The following RANBP2 variants were observed in gnomAD, a reference collection of about 807,000 sequenced individuals.
RANBP2 encodes the protein RAN binding protein 2.
Under a neutral mutation model 303.6 loss-of-function variants are expected in RANBP2, and 57 were observed. The observed-to-expected ratio is 0.19, with a 90% CI of 0.15 to 0.23. The LOEUF is 0.23. RANBP2 is among the 10% of genes least tolerant of loss of function. The pLI is 1.00. For missense variants in RANBP2, 3,138 were observed against 3,780.8 expected, an observed-to-expected ratio of 0.83 and a Z score of 4.46; for synonymous variants, 1,167 against 1,301.5, an observed-to-expected ratio of 0.90 and a Z score of 2.23.
the RANBP2 span, among the ~76,000 whole-genome samples, chr2:109,477,641 T>G: frequency 7.3e-6 from 1 of 137,416 alleles, no homozygotes; most frequent in African/African-American, 2.6e-5. Context: ...TGTGTGTGTG[T>G]GTTGGTGAGG....
the RANBP2 span, among the ~76,000 whole-genome samples, chr2:109,216,412 A>G: frequency 6.6e-6 from 1 of 152,256 alleles, no homozygotes; most frequent in Non-Finnish European, 1.5e-5. Flanking sequence ...GGTGAGATCC[A>G]CTTTGCAGAG....
chr2:108,901,880 T>C, the RANBP2 span, among the ~76,000 whole-genome samples: 1 of 151,768 alleles, frequency 6.6e-6, no homozygotes, highest in South Asian at 2.1e-4. Context: ...GAGGTGGGTA[T>C]ATTGCTTGAG....
At chr2:108,719,987 C>T (rs946473302) in intron 1 of RANBP2, 1 of 985,174 alleles carries the variant, frequency 1.0e-6, no homozygotes. Context: ...TCGCGCACCC[C>T]GTAGTACCCG....
At chr2:109,514,451 A>T in the RANBP2 span, among the ~76,000 whole-genome samples, 1 of 152,122 alleles carries the variant, frequency 6.6e-6, no homozygotes, top group Non-Finnish European at 1.5e-5. Flanking sequence ...ACCTCCATGG[A>T]TGAAAGGCAG....
the RANBP2 span, among the ~76,000 whole-genome samples, chr2:109,242,480 C>T: frequency 6.6e-6 from 1 of 152,158 alleles, no homozygotes; most frequent in South Asian, 2.1e-4. Flanking sequence ...GCTGAGCCGC[C>T]CCAGTGACAC....
At chr2:109,094,478 A>G in the RANBP2 span, among the ~76,000 whole-genome samples, 1 of 152,102 alleles carries the variant, frequency 6.6e-6, no homozygotes, top group Non-Finnish European at 1.5e-5. Context: ...CAAATGAGAA[A>G]TCTTACAACT....
intron 7 of RANBP2, among the ~76,000 whole-genome samples, chr2:108,742,937 C>T (rs1295140015): frequency 4.0e-5 from 6 of 151,846 alleles, no homozygotes; most frequent in Non-Finnish European, 5.9e-5. Context: ...TACAGGCACC[C>T]ACCACCACGC....
At chr2:108,964,367 G>A in the RANBP2 span, among the ~76,000 whole-genome samples, 6 of 152,098 alleles carry the variant, frequency 3.9e-5, no homozygotes, top group Admixed American at 1.3e-4. Context: ...ATGATGCCAC[G>A]GCTCCAAAGC....
At chr2:109,384,941 C>A in the RANBP2 span, among the ~76,000 whole-genome samples, 1 of 152,216 alleles carries the variant, frequency 6.6e-6, no homozygotes, top group Non-Finnish European at 1.5e-5. Context: ...TGCTTAAAGC[C>A]ACCAGTGGGG....
the RANBP2 span, among the ~76,000 whole-genome samples, chr2:109,147,212 C>G: frequency 2.0e-5 from 3 of 152,252 alleles, no homozygotes; most frequent in Admixed American, 2.0e-4. Flanking sequence ...CCTGGACTTT[C>G]TTGGAATTAC....
At chr2:108,798,335 C>A in the RANBP2 span, 9 of 1,423,976 alleles carry the variant, frequency 6.3e-6, no homozygotes, top group Non-Finnish European at 8.6e-6. Context: ...TTCCTGAAAA[C>A]CACTTGGTTA....
chr2:109,230,858 T>C, the RANBP2 span, among the ~76,000 whole-genome samples: 11 of 152,334 alleles, frequency 7.2e-5, no homozygotes, highest in East Asian at 2.1e-3. Context: ...CCCTAGGAGT[T>C]CACTGGCCAA....
At chr2:109,392,676 G>A in the RANBP2 span, among the ~76,000 whole-genome samples, 4 of 152,004 alleles carry the variant, frequency 2.6e-5, no homozygotes, top group East Asian at 1.9e-4. Context: ...CTGCCACCAC[G>A]CCCGGCTAAT....
the RANBP2 span, among the ~76,000 whole-genome samples, chr2:109,305,867 C>G: frequency 2.0e-5 from 3 of 152,238 alleles, no homozygotes. Flanking sequence ...AAGCAATCCA[C>G]GCAGAGCCCT....
the RANBP2 span, among the ~76,000 whole-genome samples, chr2:108,958,038 C>A: frequency 6.6e-6 from 1 of 152,140 alleles, no homozygotes; most frequent in Non-Finnish European, 1.5e-5. Context: ...AAAACTGTTA[C>A]AGGAAGTGCC....
At chr2:108,986,635 C>T in the RANBP2 span, among the ~76,000 whole-genome samples, 1 of 152,290 alleles carries the variant, frequency 6.6e-6, no homozygotes, top group East Asian at 1.9e-4. Context: ...CTCTCTGAGC[C>T]TCAATTTCCT....
At chr2:109,172,530 C>T in the RANBP2 span, among the ~76,000 whole-genome samples, 147 of 152,312 alleles carry the variant, frequency 9.7e-4, no homozygotes, top group African/African-American at 3.2e-3. Context: ...TACCTCCCTC[C>T]GCTTGTCCCG....
At chr2:108,967,834 C>G in the RANBP2 span, among the ~76,000 whole-genome samples, 1 of 152,136 alleles carries the variant, frequency 6.6e-6, no homozygotes, top group Non-Finnish European at 1.5e-5. Flanking sequence ...AGATAAATTT[C>G]TCTTCAGGTA....
the RANBP2 span, among the ~76,000 whole-genome samples, chr2:109,022,550 T>A: frequency 1.3e-5 from 2 of 152,078 alleles, no homozygotes; most frequent in Admixed American, 6.5e-5. Flanking sequence ...AGTTAAACAA[T>A]GTGTACACAT....
Sources: gnomAD v4.1 joint callset for allele counts (sites outside exome capture counted in the v4.1 genomes callset) on GRCh38, gnomAD v4.1.1 for gene constraint, MANE v1.5 for transcripts, NCBI Gene and HGNC (gene_info 2026-07-23, HGNC 2026-07-21) for gene names.